KATNIP: variants seen among roughly 807,000 people sequenced by gnomAD.
The protein encoded by KATNIP is katanin-interacting protein.
KATNIP carries 126 observed loss-of-function variants against 174.0 expected under a neutral mutation model. The ratio of observed to expected loss-of-function variants is 0.72; its 90% CI spans 0.63 to 0.84. KATNIP has a LOEUF of 0.84. Among genes scored for constraint, KATNIP ranks in the 40% least tolerant of loss-of-function variants. The pLI, the probability that KATNIP is intolerant of heterozygous loss-of-function variation, is 0.00. For missense variants in KATNIP, 1,958 were observed against 2,109.7 expected (o/e 0.93, Z 1.41); for synonymous variants, 810 against 835.7 (o/e 0.97, Z 0.53).
At chr16:27,692,367 T>C (rs2078764790) in intron 8 of KATNIP, among the ~76,000 whole-genome samples, 1 of 152,136 alleles carries the variant, frequency 6.6e-6, no homozygotes, top group Non-Finnish European at 1.5e-5. Flanking sequence ...TTTACAAGGT[T>C]TGGGGTTTAA....
At chr16:27,557,059 A>G (rs373224069) in intron 1 of KATNIP, among the ~76,000 whole-genome samples, 59 of 152,134 alleles carry the variant, frequency 3.9e-4, no homozygotes, top group Admixed American at 2.0e-3. Flanking sequence ...GAATTCAGAG[A>G]TGCCAAAATG....
intron 2 of KATNIP, among the ~76,000 whole-genome samples, chr16:27,614,677 T>C (rs1948090681): frequency 6.6e-6 from 1 of 152,180 alleles, no homozygotes; most frequent in South Asian, 2.1e-4. Context: ...TACTTCATGA[T>C]TGGCCAACTT....
chr16:27,581,481 A>G (rs1339250412), intron 2 of KATNIP, among the ~76,000 whole-genome samples: 1 of 152,172 alleles, frequency 6.6e-6, no homozygotes, highest in Non-Finnish European at 1.5e-5. Context: ...GGTGCCCACA[A>G]TGGACCCATT....
chr16:27,572,526 G>GATA (rs1298576569), intron 1 of KATNIP, among the ~76,000 whole-genome samples: 11 of 152,200 alleles, frequency 7.2e-5, no homozygotes, highest in South Asian at 6.2e-4. Context: ...CACACACGGA[G>GATA]ATAGCCCTGC....
Position 27,677,705 on chromosome 16 carries a change from A to G in KATNIP, c.541-24A>G. On this transcript the variant is annotated intron_variant, in intron 6 of 27. Transcript: ENST00000261588. ...TCTCAAGGTACCATATTTATCTCTC[A>G]TCTCTCTTCTGGGCTTTTTGCAGGA... The G allele has an allele frequency of 1.9e-6, 3 of 1,585,836 alleles. No homozygotes were observed. In the South Asian group the frequency reaches 3.4e-5, roughly 18 times the overall value.
intron 9 of KATNIP, 174 bp from the exon 10 acceptor site, chr16:27,699,360 C>T (rs528579341): frequency 1.3e-6 from 1 of 769,158 alleles, no homozygotes; most frequent in South Asian, 5.9e-5. Flanking sequence ...TTTGGGGCAT[C>T]CATCGAGCAG....
chr16:27,638,714 G>A (rs1231365123), intron 5 of KATNIP, among the ~76,000 whole-genome samples: 1 of 152,164 alleles, frequency 6.6e-6, no homozygotes, highest in Admixed American at 6.5e-5. Context: ...GGGACACCGT[G>A]GTGGGATGCA....
At chr16:27,631,264 C>T in intron 5 of KATNIP, 102 bp downstream of exon 5, 2 of 865,348 alleles carry the variant, frequency 2.3e-6, no homozygotes, top group South Asian at 3.0e-5. Context: ...ATGGGCCAGG[C>T]ACAGTGGCTC....
chr16:27,583,215 A>G (rs1049043450), intron 2 of KATNIP, among the ~76,000 whole-genome samples: 7 of 152,216 alleles, frequency 4.6e-5, no homozygotes, highest in Admixed American at 3.3e-4. Context: ...AACTCTAGGA[A>G]AAATCCCATC....
chr16:27,771,403 T>C (rs1486119153), intron 21 of KATNIP, among the ~76,000 whole-genome samples, 185 bp from the exon 22 acceptor site: 1 of 152,124 alleles, frequency 6.6e-6, no homozygotes, highest in Non-Finnish European at 1.5e-5. Flanking sequence ...CTGCCAGCAT[T>C]GGCAATGACT....
chr16:27,692,567 G>C (rs1410096691), intron 8 of KATNIP, among the ~76,000 whole-genome samples: 2 of 151,986 alleles, frequency 1.3e-5, no homozygotes, highest in Non-Finnish European at 2.9e-5. Flanking sequence ...ACTCCTCAGT[G>C]TGCTGAGCTT....
intron 14 of KATNIP, among the ~76,000 whole-genome samples, chr16:27,739,473 G>A (rs1161258144): frequency 6.6e-6 from 1 of 152,150 alleles, no homozygotes; most frequent in Non-Finnish European, 1.5e-5. Context: ...GGAATCACCT[G>A]CCAAATACTC....
intron 8 of KATNIP, among the ~76,000 whole-genome samples, chr16:27,690,890 A>C (rs547646986): frequency 6.6e-6 from 1 of 152,338 alleles, no homozygotes; most frequent in East Asian, 1.9e-4. Context: ...CAGGGTTGCC[A>C]GATGGTATTA....
chr16:27,775,222 G>T (rs1453129899), intron 24 of KATNIP, 138 bp downstream of exon 24: 1 of 1,100,082 alleles, frequency 9.1e-7, no homozygotes, highest in African/African-American at 1.6e-5. Context: ...TGTCAGAAAG[G>T]TTTAGGTCTT....
intron 12 of KATNIP, among the ~76,000 whole-genome samples, chr16:27,705,856 T>A (rs117378358): frequency 6.6e-6 from 1 of 151,910 alleles, no homozygotes; most frequent in African/African-American, 2.4e-5. Flanking sequence ...TTAAAAAAAT[T>A]TTGTAGAGAT....
At chr16:27,585,994 G>C (rs1488395854) in intron 2 of KATNIP, among the ~76,000 whole-genome samples, 1 of 152,118 alleles carries the variant, frequency 6.6e-6, no homozygotes, top group African/African-American at 2.4e-5. Flanking sequence ...CCAGCTACTG[G>C]GGAGGCTGAA....
At chr16:27,584,429 C>CA (rs2090813101) in intron 2 of KATNIP, among the ~76,000 whole-genome samples, 2 of 151,930 alleles carry the variant, frequency 1.3e-5, no homozygotes, top group Admixed American at 1.3e-4. Flanking sequence ...GGGGGAAAGG[C>CA]AAAAAACAGC....
At chr16:27,768,141 A>C (rs2082183710) in intron 20 of KATNIP, among the ~76,000 whole-genome samples, 3 of 152,198 alleles carry the variant, frequency 2.0e-5, no homozygotes. Context: ...CACTGCAGTG[A>C]AATGGGTGCT....
chr16:27,773,797 C>T (rs2082395584), intron 23 of KATNIP, among the ~76,000 whole-genome samples: 1 of 152,116 alleles, frequency 6.6e-6, no homozygotes, highest in African/African-American at 2.4e-5. Context: ...CATTTCTCCC[C>T]AAGCATATCC....
Sources: allele counts gnomAD v4.1 joint callset (sites outside exome capture counted in the v4.1 genomes callset), GRCh38; gene constraint gnomAD v4.1.1; transcripts MANE v1.5; gene names NCBI Gene and HGNC (gene_info 2026-07-23, HGNC 2026-07-21).